Variants in SCFD1 observed in about 807,000 individuals in gnomAD.
SCFD1 encodes sec1 family domain containing 1, also known as sec1 family domain-containing protein 1.
A neutral mutation model predicts 103.2 loss-of-function variants in SCFD1; 37 were observed. That is an observed-to-expected ratio of 0.36 (90% CI 0.28 to 0.47). SCFD1 has a LOEUF of 0.47. Among genes scored for constraint, SCFD1 ranks in the 20% least tolerant of loss-of-function variants. The pLI is 1.00. For synonymous variants in SCFD1, 264 were observed against 245.0 expected, an observed-to-expected ratio of 1.08 and a Z score of -0.73; for missense variants, 639 against 761.2, an observed-to-expected ratio of 0.84 and a Z score of 1.89.
At chr14:30,645,793 T>C (rs1213190299) in intron 7 of SCFD1, among the ~76,000 whole-genome samples, 1 of 152,192 alleles carries the variant, frequency 6.6e-6, no homozygotes, top group Non-Finnish European at 1.5e-5. Flanking sequence ...TGACTTCCTC[T>C]CTTCCTATTA....
chr14:30,625,333 G>A (rs567137231), intron 1 of SCFD1, among the ~76,000 whole-genome samples: 1 of 152,186 alleles, frequency 6.6e-6, no homozygotes, highest in Non-Finnish European at 1.5e-5. Context: ...TTTGATTTTG[G>A]AATATTTGCA....
At chr14:30,714,644 A>G (rs924833394) in intron 19 of SCFD1, among the ~76,000 whole-genome samples, 7 of 152,126 alleles carry the variant, frequency 4.6e-5, no homozygotes, top group Non-Finnish European at 7.4e-5. Context: ...GAAAATCCTT[A>G]TATAATAGTA....
intron 17 of SCFD1, among the ~76,000 whole-genome samples, chr14:30,703,966 T>TATAA (rs1433198478): frequency 2.2e-4 from 20 of 90,902 alleles, no homozygotes; most frequent in South Asian, 3.6e-4. Flanking sequence ...TATATATAAA[T>TATAA]AATGAGATAT....
intron 23 of SCFD1, among the ~76,000 whole-genome samples, chr14:30,733,580 C>T (rs1893634047): frequency 6.6e-6 from 1 of 152,190 alleles, no homozygotes; most frequent in Non-Finnish European, 1.5e-5. Flanking sequence ...TACCAGGATC[C>T]ATGGTGCTGA....
intron 6 of SCFD1, 117 bp from the exon 7 acceptor site, chr14:30,643,199 T>A (rs1340172516): frequency 2.6e-6 from 2 of 778,286 alleles, no homozygotes; most frequent in Non-Finnish European, 2.2e-6. Context: ...ACCAAAAAAT[T>A]TCACTTGCTG....
At chr14:30,677,502 G>GT (rs970121812) in intron 14 of SCFD1, among the ~76,000 whole-genome samples, 1 of 151,818 alleles carries the variant, frequency 6.6e-6, no homozygotes, top group Non-Finnish European at 1.5e-5. Context: ...AAAATCAGAA[G>GT]TTTTTTTTAT....
chr14:30,684,293 A>C (rs868335774), intron 14 of SCFD1, among the ~76,000 whole-genome samples: 6 of 152,328 alleles, frequency 3.9e-5, no homozygotes, highest in Middle Eastern at 3.4e-3. Flanking sequence ...TTACAGGTGC[A>C]TGCCACAGTG....
intron 19 of SCFD1, among the ~76,000 whole-genome samples, chr14:30,708,279 A>G (rs1891615740): frequency 6.6e-6 from 1 of 152,018 alleles, no homozygotes. Flanking sequence ...TGCTGCACAG[A>G]TCAGCCCATC....
chr14:30,711,922 T>C (rs1420025288), intron 19 of SCFD1, among the ~76,000 whole-genome samples: 2 of 152,028 alleles, frequency 1.3e-5, no homozygotes, highest in Non-Finnish European at 2.9e-5. Context: ...TTAATACTTG[T>C]GGAAGCTGGG....
At chr14:30,706,030 G>T in intron 18 of SCFD1, 145 bp downstream of exon 18, 22 of 548,432 alleles carry the variant, frequency 4.0e-5, no homozygotes, top group South Asian at 1.4e-4. Context: ...AAGTTCTCCT[G>T]GTTTTTTTTT....
intron 5 of SCFD1, among the ~76,000 whole-genome samples, chr14:30,639,028 A>T (rs1285670345): frequency 6.6e-6 from 1 of 152,200 alleles, no homozygotes; most frequent in Non-Finnish European, 1.5e-5. Context: ...CTCAAAATTT[A>T]TTAACTTCAC....
chr14:30,729,151 G>A (rs191945266), intron 23 of SCFD1, among the ~76,000 whole-genome samples: 9 of 152,066 alleles, frequency 5.9e-5, no homozygotes, highest in South Asian at 4.2e-4. Flanking sequence ...TACAAATCCC[G>A]TATCAGATAC....
intron 1 of SCFD1, among the ~76,000 whole-genome samples, chr14:30,623,626 A>AT (rs1240351120): frequency 1.3e-5 from 2 of 152,204 alleles, no homozygotes; most frequent in Non-Finnish European, 1.5e-5. Flanking sequence ...CGTGTCAGTA[A>AT]AACTGTACCA....
At chr14:30,668,611 C>T (rs1486437292) in intron 10 of SCFD1, among the ~76,000 whole-genome samples, 10 of 152,072 alleles carry the variant, frequency 6.6e-5, no homozygotes, top group Admixed American at 5.2e-4. Flanking sequence ...AGTGAACAGG[C>T]GGCCTACAGA....
In SCFD1 at chr14:30,715,935, T is replaced by TA; in HGVS notation, c.1642dup (p.Thr548AsnfsTer17). ...ATACTTTTCCACAGAATCTACCTGT[T>TA]ACTCGTATTTTGGACAATCTTATGG... is the stretch of plus-strand genomic sequence containing the variant. On this transcript the variant is annotated frameshift_variant, in exon 20 of 25. Coordinates refer to ENST00000458591, the MANE Select transcript of SCFD1 (RefSeq NM_016106.4). LOFTEE classifies it high-confidence loss of function. The TA allele has an allele frequency of 6.4e-7, 1 of 1,551,496 alleles. No homozygotes were observed. The highest frequency in any genetic ancestry group is 8.8e-7 in the Non-Finnish European group (1 of 1,138,826).
intron 19 of SCFD1, among the ~76,000 whole-genome samples, chr14:30,713,318 G>A (rs1254993211): frequency 6.6e-6 from 1 of 152,082 alleles, no homozygotes; most frequent in African/African-American, 2.4e-5. Context: ...GTATGGGAGT[G>A]GTAGATGTGT....
intron 14 of SCFD1, chr14:30,676,268 G>A (rs1889027632): frequency 6.6e-6 from 1 of 152,206 alleles, no homozygotes; most frequent in Admixed American, 6.5e-5. Context: ...TTTATTGAGT[G>A]GCTCTATGTA....
intron 23 of SCFD1, among the ~76,000 whole-genome samples, chr14:30,734,021 G>T (rs191974481): frequency 6.6e-6 from 1 of 152,174 alleles, no homozygotes; most frequent in Admixed American, 6.5e-5. Context: ...TATGAGTTGT[G>T]GCTTTTGTTT....
At chr14:30,667,306 A>T (rs938038963) in intron 10 of SCFD1, among the ~76,000 whole-genome samples, 1 of 152,250 alleles carries the variant, frequency 6.6e-6, no homozygotes, top group African/African-American at 2.4e-5. Context: ...GACAAAAACC[A>T]CATGATTATC....
Sources: allele counts gnomAD v4.1 joint callset (sites outside exome capture counted in the v4.1 genomes callset), GRCh38; gene constraint gnomAD v4.1.1; transcripts MANE v1.5; gene names NCBI Gene and HGNC (gene_info 2026-07-23, HGNC 2026-07-21).